The following ZSWIM6 variants were observed in gnomAD, a reference collection of about 807,000 sequenced individuals.
ZSWIM6 encodes zinc finger SWIM-type containing 6.
A neutral mutation model predicts 113.2 loss-of-function variants in ZSWIM6; 9 were observed. The ratio of observed to expected loss-of-function variants is 0.08; its 90% CI spans 0.05 to 0.14. The LOEUF (loss-of-function observed/expected upper bound fraction) is 0.14. ZSWIM6 is among the 10% of genes least tolerant of loss of function. The pLI, the probability that ZSWIM6 is intolerant of heterozygous loss-of-function variation, is 1.00. For missense variants in ZSWIM6, 1,162 were observed against 1,552.2 expected (o/e 0.75, Z 4.22); for synonymous variants, 611 against 606.5 (o/e 1.01, Z -0.11).
In ZSWIM6 at chr5:61,353,785, C is replaced by A. The variant is rs1744839492; in HGVS notation, c.676+20837C>A. Among the ~76,000 whole-genome samples the A allele has an allele frequency of 2.1e-4, 3 of 14,136 alleles. No individual in the cohort carries two copies. The Admixed American group carries it at 2.8e-3, about 13-fold the overall frequency. The allele number at this position is 14,136 out of a possible 152,430, so 9.3% of individuals were successfully genotyped here. ...TAAATACTTTGACTTGAAACAATTACCATTTTCTCGATTTTTAGTGGGAGA... is the reference window on the plus strand; with the variant it reads ...TAAATACTTTGACTTGAAACAATTAACATTTTCTCGATTTTTAGTGGGAGA... On this transcript the variant is annotated intron_variant, in intron 1 of 13. Coordinates refer to ENST00000252744, the MANE Select transcript of ZSWIM6 (RefSeq NM_020928.2).
intron 1 of ZSWIM6, among the ~76,000 whole-genome samples, chr5:61,387,315 T>C (rs1008420988): frequency 1.3e-5 from 2 of 152,254 alleles, no homozygotes; most frequent in African/African-American, 4.8e-5. Context: ...CTTACGATTA[T>C]TTTAATTATC....
In ZSWIM6 at chr5:61,409,150, C is replaced by T. The variant is rs956610723; in HGVS notation, c.677-63531C>T. The stretch of plus-strand genomic sequence containing the variant: ...CTTCACTTTAGGTATTAAGTATAAG[C>T]ACAAAATTAAATGTAACACATACCA... On this transcript the variant is annotated intron_variant, in intron 1 of 13. Coordinates refer to ENST00000252744, the MANE Select transcript of ZSWIM6 (RefSeq NM_020928.2). Among the ~76,000 whole-genome samples, 34 of 136,186 alleles carry T rather than the reference C, an allele frequency of 2.5e-4. 1 individual carries two copies. The Admixed American group carries it at 2.7e-3, about 11-fold the overall frequency. The allele number at this position is 136,186 out of a possible 152,430, so 89.3% of individuals were successfully genotyped here.
At chr5:61,450,525 C>T (rs1747064077) in intron 1 of ZSWIM6, among the ~76,000 whole-genome samples, 1 of 152,172 alleles carries the variant, frequency 6.6e-6, no homozygotes. Flanking sequence ...ATTGAATTGC[C>T]ACATTGCCAC....
At chr5:61,447,341 A>C (rs1289449035) in intron 1 of ZSWIM6, among the ~76,000 whole-genome samples, 1 of 152,218 alleles carries the variant, frequency 6.6e-6, no homozygotes, top group African/African-American at 2.4e-5. Context: ...ACTGCACTGA[A>C]ACACAATCCA....
At chr5:61,430,763 TA>T (rs1350428865) in intron 1 of ZSWIM6, among the ~76,000 whole-genome samples, 1 of 152,188 alleles carries the variant, frequency 6.6e-6, no homozygotes, top group African/African-American at 2.4e-5. Flanking sequence ...GAATGATTTT[TA>T]AAAGGCTGTC....
chr5:61,410,848 A>G (rs1301557313), intron 1 of ZSWIM6, among the ~76,000 whole-genome samples: 1 of 152,234 alleles, frequency 6.6e-6, no homozygotes, highest in Non-Finnish European at 1.5e-5. Flanking sequence ...TTAGTTTGCT[A>G]AGTCACCAGT....
At chr5:61,539,789 T>C (rs1580073441) in intron 12 of ZSWIM6, 30 bp downstream of exon 12, 1 of 1,530,856 alleles carries the variant, frequency 6.5e-7, no homozygotes, top group Non-Finnish European at 8.8e-7. Flanking sequence ...TCCTGGGACA[T>C]CAAAGACTGC....
At chr5:61,439,831 G>GA (rs1286990881) in intron 1 of ZSWIM6, among the ~76,000 whole-genome samples, 1 of 152,088 alleles carries the variant, frequency 6.6e-6, no homozygotes, top group African/African-American at 2.4e-5. Context: ...AAAGACCTTT[G>GA]AAACGTTTTT....
chr5:61,477,932 A>G (rs1747746713), intron 2 of ZSWIM6, among the ~76,000 whole-genome samples: 1 of 152,170 alleles, frequency 6.6e-6, no homozygotes, highest in South Asian at 2.1e-4. Flanking sequence ...GTACACTTTT[A>G]TGTTCCAAAT....
chr5:61,491,156 A>G (rs1234016780), intron 3 of ZSWIM6, among the ~76,000 whole-genome samples: 1 of 152,060 alleles, frequency 6.6e-6, no homozygotes, highest in Non-Finnish European at 1.5e-5. Context: ...CTATCAATAA[A>G]ATGGTGATAA....
In ZSWIM6 at chr5:61,505,958, G is replaced by A. The variant is rs897904966; in HGVS notation, c.1333+11548G>A. Reference sequence around the variant, plus strand: ...AGATGGGGTTTCACCATGTTAGCTAGGATGGTCTCGATCTCCTGACCTCAT... The same window carrying A: ...AGATGGGGTTTCACCATGTTAGCTAAGATGGTCTCGATCTCCTGACCTCAT... On this transcript the variant is annotated intron_variant, in intron 4 of 13. Transcript: ENST00000252744. Among the ~76,000 whole-genome samples, 3 of 151,646 alleles carry A rather than the reference G, an allele frequency of 2.0e-5. No individual in the cohort carries two copies. In the East Asian group the frequency reaches 5.9e-4, roughly 30 times the overall value.
chr5:61,448,599 G>A (rs1175844824), intron 1 of ZSWIM6, among the ~76,000 whole-genome samples: 5 of 150,100 alleles, frequency 3.3e-5, no homozygotes, highest in Non-Finnish European at 4.5e-5. Context: ...TCTGTTTGGG[G>A]GAGGAGGGTA....
chr5:61,496,396 T>C (rs1229799730), intron 4 of ZSWIM6, among the ~76,000 whole-genome samples: 1 of 152,130 alleles, frequency 6.6e-6, no homozygotes, highest in African/African-American at 2.4e-5. Context: ...ATCTTAATAT[T>C]CATTCACCAA....
intron 1 of ZSWIM6, among the ~76,000 whole-genome samples, chr5:61,342,831 A>C (rs532761826): frequency 1.3e-5 from 2 of 151,948 alleles, no homozygotes; most frequent in African/African-American, 2.4e-5. Flanking sequence ...AGCAGTGTTA[A>C]GTACATTTAC....
chr5:61,344,503 T>A (rs1027054947), intron 1 of ZSWIM6, among the ~76,000 whole-genome samples: 1 of 152,234 alleles, frequency 6.6e-6, no homozygotes, highest in Non-Finnish European at 1.5e-5. Flanking sequence ...TCATTTTCTT[T>A]CTTCTTTTCC....
At chr5:61,477,314 C>G (rs924632047) in intron 2 of ZSWIM6, among the ~76,000 whole-genome samples, 5 of 152,112 alleles carry the variant, frequency 3.3e-5, no homozygotes, top group African/African-American at 9.7e-5. Context: ...TAGACTTACC[C>G]CTCACTTCCC....
intron 5 of ZSWIM6, 129 bp from the exon 6 acceptor site, chr5:61,525,671 C>G: frequency 9.2e-7 from 1 of 1,085,442 alleles, no homozygotes; most frequent in Non-Finnish European, 1.3e-6. Flanking sequence ...ACCCTTCACC[C>G]TTCTGCTTAG....
At chr5:61,533,595 T>C (rs919184056) in intron 9 of ZSWIM6, among the ~76,000 whole-genome samples, 1 of 152,210 alleles carries the variant, frequency 6.6e-6, no homozygotes, top group Non-Finnish European at 1.5e-5. Context: ...AATGTTTTAC[T>C]TGTTGAGTGG....
intron 11 of ZSWIM6, 106 bp from the exon 12 acceptor site, chr5:61,539,490 C>G: frequency 7.6e-7 from 1 of 1,314,692 alleles, no homozygotes; most frequent in Non-Finnish European, 1.0e-6. Flanking sequence ...TGTTTTGTTT[C>G]TTTTTTCCCC....
Sources: gnomAD v4.1 joint callset for allele counts (sites outside exome capture counted in the v4.1 genomes callset) on GRCh38, gnomAD v4.1.1 for gene constraint, MANE v1.5 for transcripts, NCBI Gene and HGNC (gene_info 2026-07-23, HGNC 2026-07-21) for gene names.